The following TMEM132E variants were observed in gnomAD, a reference collection of about 807,000 sequenced individuals.
TMEM132E encodes transmembrane protein 132E.
TMEM132E carries 49 observed loss-of-function variants against 78.5 expected under a neutral mutation model. The observed-to-expected ratio is 0.62, with a 90% CI of 0.50 to 0.79. TMEM132E has a LOEUF of 0.79. Among genes scored for constraint, TMEM132E ranks in the 30% least tolerant of loss-of-function variants. The pLI is 0.00. For missense variants in TMEM132E, 1,403 were observed against 1,470.9 expected (o/e 0.95, Z 0.75); for synonymous variants, 715 against 670.6 (o/e 1.07, Z -1.02).
At chr17:34,584,380 A>G (rs545118752) in intron 1 of TMEM132E, among the ~76,000 whole-genome samples, 2 of 152,140 alleles carry the variant, frequency 1.3e-5, no homozygotes, top group Non-Finnish European at 2.9e-5. Context: ...ATTACCCCCT[A>G]GCTTCTCACC....
chr17:34,591,008 T>C (rs892660362), intron 1 of TMEM132E, among the ~76,000 whole-genome samples: 7 of 152,102 alleles, frequency 4.6e-5, no homozygotes, highest in African/African-American at 7.2e-5. Flanking sequence ...TACATCTGAG[T>C]GTGAGTGCTG....
intron 1 of TMEM132E, among the ~76,000 whole-genome samples, chr17:34,609,645 A>G (rs1906525251): frequency 6.6e-6 from 1 of 152,182 alleles, no homozygotes; most frequent in Non-Finnish European, 1.5e-5. Context: ...TTGTGGTCTC[A>G]TTCCCCTGCT....
Position 34,630,165 on chromosome 17 carries a change from A to T in TMEM132E, c.1482+14A>T. On this transcript the variant is annotated intron_variant, in intron 5 of 8. Transcript: ENST00000631683. Reference sequence around the variant, plus strand: ...GACATCATCAAGGTGGGCATCCTGGAGGTGGGGCCCCTGGGGAAGAAGCCC... The same window carrying T: ...GACATCATCAAGGTGGGCATCCTGGTGGTGGGGCCCCTGGGGAAGAAGCCC... 2 of 1,604,830 alleles carry T rather than the reference A, an allele frequency of 1.2e-6. No homozygotes were observed. The highest frequency in any genetic ancestry group is 1.7e-6 in the Non-Finnish European group (2 of 1,172,596).
chr17:34,609,057 A>G (rs1906507855), intron 1 of TMEM132E, among the ~76,000 whole-genome samples: 1 of 152,216 alleles, frequency 6.6e-6, no homozygotes, highest in Non-Finnish European at 1.5e-5. Context: ...CTGGCTCTAC[A>G]GCAGTCGGGA....
At chr17:34,619,136 G>A (rs147884787) in intron 1 of TMEM132E, among the ~76,000 whole-genome samples, 315 of 152,360 alleles carry the variant, frequency 2.1e-3, no homozygotes, top group African/African-American at 6.7e-3. Flanking sequence ...GGACCACATA[G>A]CACCTGGGAT....
At chr17:34,618,741 A>T (rs1423247104) in intron 1 of TMEM132E, among the ~76,000 whole-genome samples, 1 of 152,194 alleles carries the variant, frequency 6.6e-6, no homozygotes, top group African/African-American at 2.4e-5. Context: ...CTGATTTTTT[A>T]AAAAATGAAA....
chr17:34,623,889 C>T (rs1443430540), intron 1 of TMEM132E, among the ~76,000 whole-genome samples: 2 of 152,154 alleles, frequency 1.3e-5, no homozygotes, highest in African/African-American at 4.8e-5. Context: ...GCCAGAAAAG[C>T]TCTCCCCATC....
intron 7 of TMEM132E, 22 bp from the exon 8 acceptor site, chr17:34,635,985 C>T (rs376964870): frequency 6.5e-6 from 9 of 1,388,460 alleles, no homozygotes; most frequent in Non-Finnish European, 7.5e-6. Flanking sequence ...TTCTCTCCCA[C>T]CCCGGTCCCG....
At chr17:34,594,003 C>T (rs564207950) in intron 1 of TMEM132E, among the ~76,000 whole-genome samples, 50 of 152,162 alleles carry the variant, frequency 3.3e-4, no homozygotes, top group Non-Finnish European at 6.0e-4. Context: ...ACACGATTCC[C>T]GCCTCTTACC....
At chr17:34,616,769 TCCCTCTGTCTCTGGACTGGAC>T (rs1324900080) in intron 1 of TMEM132E, among the ~76,000 whole-genome samples, 1 of 152,146 alleles carries the variant, frequency 6.6e-6, no homozygotes, top group Non-Finnish European at 1.5e-5. Context: ...GAGGCACTCA[TCCCTCTGTCTCTGGACTGGAC>T]CCCTCTTCTC....
intron 1 of TMEM132E, chr17:34,614,872 C>G (rs1388876054): frequency 6.6e-6 from 1 of 152,536 alleles, no homozygotes; most frequent in Non-Finnish European, 1.5e-5. Context: ...CCCCGAGGCT[C>G]TGTCCCTCAG....
At position 34,635,328 on chromosome 17, in the gene TMEM132E, G is replaced by A. The variant is rs1316481319; in HGVS notation, c.1977+241G>A. ...GTGACTCAAGCAGACCCCTCCCTGAGAGCAGAGGGGGAGCAGGTGAGAGTC... is the reference window on the plus strand; with the variant it reads ...GTGACTCAAGCAGACCCCTCCCTGAAAGCAGAGGGGGAGCAGGTGAGAGTC... On this transcript the variant is annotated intron_variant, in intron 7 of 8. Coordinates refer to ENST00000631683, the MANE Select transcript of TMEM132E (RefSeq NM_001304438.2). Among the ~76,000 whole-genome samples the A allele has an allele frequency of 2.6e-5, 4 of 152,310 alleles. No individual in the cohort carries two copies. The South Asian group carries it at 8.3e-4, about 32-fold the overall frequency.
At position 34,636,024 on chromosome 17, in the gene TMEM132E, G is replaced by T; in HGVS notation, c.1995G>T (p.Thr665=). 6.6e-7 allele frequency: 1 copy of T among 1,516,376 alleles called. No individual in the cohort carries two copies. Among genetic ancestry groups the T allele is most frequent in the Non-Finnish European group, 8.8e-7 (1 of 1,133,904 alleles). The allele number at this position is 1,516,376 out of a possible 1,614,324, so 93.9% of individuals were successfully genotyped here. ...TTPFKVVSPL[T]EAVLGETLLT... ...TGCCTCAGGTGGTGTCTCCGCTGAC[G>T]GAGGCTGTGCTCGGGGAGACGCTGC... The change falls in exon 8 of 9, where the codon ACG becomes ACT. Residue 665 remains threonine (T), a synonymous_variant. Coordinates refer to ENST00000631683, the MANE Select transcript of TMEM132E (RefSeq NM_001304438.2).
chr17:34,634,135 T>A (rs1340666353), intron 6 of TMEM132E, among the ~76,000 whole-genome samples: 2 of 152,222 alleles, frequency 1.3e-5, no homozygotes, highest in Non-Finnish European at 2.9e-5. Flanking sequence ...AGAAAAACAC[T>A]TGGCTTTCTC....
chr17:34,631,384 G>T (rs1271358655), intron 5 of TMEM132E, among the ~76,000 whole-genome samples: 1 of 152,170 alleles, frequency 6.6e-6, no homozygotes, highest in South Asian at 2.1e-4. Context: ...GAAGAAACAG[G>T]CCTGCTCCCA....
chr17:34,638,209 C>A lies in TMEM132E; in HGVS notation c.3202C>A (p.Arg1068Ser), dbSNP rs374903367. Residue 1068 changes from arginine to serine, a missense_variant, in exon 9 of 9, where the codon CGC becomes AGC. By Grantham distance (110) the Arg-to-Ser change is moderately radical. Coordinates refer to ENST00000631683, the MANE Select transcript of TMEM132E (RefSeq NM_001304438.2). ...TAPPDLHNYM[R>S]RIKEIA ...ACCCCCGGACCTGCACAATTACATGCGCAGAATCAAAGAGATTGCATAGAG... is the reference window on the plus strand; with the variant it reads ...ACCCCCGGACCTGCACAATTACATGAGCAGAATCAAAGAGATTGCATAGAG... 13 of 1,598,348 alleles carry A rather than the reference C, an allele frequency of 8.1e-6. No individual in the cohort carries two copies. The highest frequency in any genetic ancestry group is 1.3e-5 in the African/African-American group (1 of 74,444).
intron 3 of TMEM132E, 111 bp from the exon 4 acceptor site, chr17:34,628,901 C>A: frequency 2.1e-6 from 3 of 1,413,080 alleles, no homozygotes; most frequent in Non-Finnish European, 2.9e-6. Flanking sequence ...CCCAGAGGGC[C>A]CCATCAGGCA....
Position 34,634,841 on chromosome 17 carries a change from G to A in TMEM132E, c.1731G>A (p.Glu577=), listed in dbSNP as rs1339962374. The part of the protein sequence containing the change: ...ESEDEDEEEE[E]RRQSASRGCT... ...AGGATGAGGATGAGGAGGAGGAGGAGCGGCGGCAGAGTGCAAGCCGTGGCT... is the reference window on the plus strand; with the variant it reads ...AGGATGAGGATGAGGAGGAGGAGGAACGGCGGCAGAGTGCAAGCCGTGGCT... Residue 577 remains glutamate, a synonymous_variant, in exon 7 of 9, where the codon GAG becomes GAA. Transcript: ENST00000631683. The A allele has an allele frequency of 1.9e-6, 3 of 1,613,724 alleles. No homozygotes were observed. Among genetic ancestry groups the A allele is most frequent in the African/African-American group, 2.7e-5 (2 of 74,924 alleles).
At chr17:34,624,470 C>G (rs529685796) in intron 1 of TMEM132E, among the ~76,000 whole-genome samples, 1 of 152,132 alleles carries the variant, frequency 6.6e-6, no homozygotes, top group Non-Finnish European at 1.5e-5. Context: ...TCTGAGGAAA[C>G]CCCCAGGAGT....
Sources: allele counts gnomAD v4.1 joint callset (sites outside exome capture counted in the v4.1 genomes callset), GRCh38; gene constraint gnomAD v4.1.1; transcripts MANE v1.5; gene names NCBI Gene and HGNC (gene_info 2026-07-23, HGNC 2026-07-21).